HMGA2: variants seen among roughly 807,000 people sequenced by gnomAD.
The protein encoded by HMGA2 is high mobility group AT-hook 2, also known as high mobility group protein HMGI-C.
HMGA2 carries 8 observed loss-of-function variants against 19.1 expected under a neutral mutation model. That is an observed-to-expected ratio of 0.42 (90% CI 0.25 to 0.76). HMGA2 has a LOEUF of 0.76. HMGA2 is among the 30% of genes least tolerant of loss of function. HMGA2 has a pLI of 0.28. For synonymous variants in HMGA2, 60 were observed against 48.8 expected, an observed-to-expected ratio of 1.23 and a Z score of -0.96; for missense variants, 109 against 136.3, an observed-to-expected ratio of 0.80 and a Z score of 1.00.
intron 4 of HMGA2, 69 bp from the exon 5 acceptor site, chr12:65,963,176 A>T (rs1455172234): frequency 2.0e-5 from 28 of 1,433,672 alleles, no homozygotes; most frequent in Non-Finnish European, 2.6e-5. Flanking sequence ...TTACCTCTGC[A>T]CTGTTGGCAA....
chr12:65,886,612 C>T (rs1565721650), intron 3 of HMGA2, among the ~76,000 whole-genome samples: 1 of 151,976 alleles, frequency 6.6e-6, no homozygotes, highest in African/African-American at 2.4e-5. Context: ...CCGTCTCGGC[C>T]TCCCAAAGTG....
chr12:65,846,997 C>T (rs1871258168), intron 3 of HMGA2, among the ~76,000 whole-genome samples: 1 of 152,104 alleles, frequency 6.6e-6, no homozygotes, highest in African/African-American at 2.4e-5. Context: ...AATTATATTG[C>T]TTTCCAAATC....
At chr12:65,841,991 CT>C (rs76443274) in intron 3 of HMGA2, 184,466 of 779,420 alleles carry the variant, frequency 0.24, 35 homozygotes, top group South Asian at 0.3. Flanking sequence ...TTCCCTTCAT[CT>C]TTTTTTTTTT....
At position 65,963,303 on chromosome 12, in the gene HMGA2, C is replaced by G. The variant is rs1876807599; in HGVS notation, c.*11C>G. ...GCCGAAGAGGACTAGGGGGCGCCAA[C>G]GTTCGATTTCTACCTCAGCAGCAGT... is the stretch of plus-strand genomic sequence containing the variant. On this transcript the variant is annotated 3_prime_UTR_variant, in exon 5 of 5. Coordinates refer to ENST00000403681, the MANE Select transcript of HMGA2 (RefSeq NM_003483.6). 1 of 1,612,754 alleles carries G rather than the reference C, an allele frequency of 6.2e-7. No homozygotes were observed. The highest frequency in any genetic ancestry group is 1.7e-4 in the Middle Eastern group (1 of 6,034).
chr12:65,915,453 G>A, intron 3 of HMGA2: 1 of 1,243,756 alleles, frequency 8.0e-7, no homozygotes, highest in Non-Finnish European at 1.0e-6. Context: ...TCTCGTACAG[G>A]GATCCACCTT....
At chr12:65,866,778 TA>T (rs146991605) in intron 3 of HMGA2, 16,120 of 315,872 alleles carry the variant, frequency 0.051, 604 homozygotes, top group African/African-American at 0.17. Context: ...GTGCCAACTT[TA>T]AAAAAAAAAA....
At chr12:65,893,661 G>A (rs1407959662) in intron 3 of HMGA2, among the ~76,000 whole-genome samples, 1 of 152,148 alleles carries the variant, frequency 6.6e-6, no homozygotes, top group African/African-American at 2.4e-5. Context: ...TGCATTTCAG[G>A]GGGTGAATGG....
intron 1 of HMGA2, chr12:65,827,019 CACTT>C (rs1870242020): frequency 1.3e-5 from 2 of 152,136 alleles, no homozygotes; most frequent in Admixed American, 6.5e-5. Flanking sequence ...TAATTAGTCT[CACTT>C]AATCACCGAA....
At chr12:65,846,542 C>A (rs1252307756) in intron 3 of HMGA2, among the ~76,000 whole-genome samples, 1 of 152,200 alleles carries the variant, frequency 6.6e-6, no homozygotes, top group African/African-American at 2.4e-5. Context: ...AGAAAATGCA[C>A]CTCGAGTGCC....
chr12:65,844,052 A>AC (rs1038467457), intron 3 of HMGA2, among the ~76,000 whole-genome samples: 1 of 93,350 alleles, frequency 1.1e-5, no homozygotes, highest in Admixed American at 9.7e-5. Context: ...CTCCATCTCA[A>AC]AAAAAAAAAA....
chr12:65,832,537 A>T (rs1870524007), intron 2 of HMGA2, among the ~76,000 whole-genome samples: 3 of 152,004 alleles, frequency 2.0e-5, no homozygotes. Context: ...GCTGAAGAGG[A>T]TTTTATGTCA....
At chr12:65,907,966 C>T (rs1014266934) in intron 3 of HMGA2, among the ~76,000 whole-genome samples, 1 of 152,082 alleles carries the variant, frequency 6.6e-6, no homozygotes, top group Non-Finnish European at 1.5e-5. Context: ...TAGCTTGACT[C>T]TCTTTTTACA....
chr12:65,836,415 G>A (rs552166675), intron 2 of HMGA2, among the ~76,000 whole-genome samples: 1 of 152,062 alleles, frequency 6.6e-6, no homozygotes, highest in Non-Finnish European at 1.5e-5. Flanking sequence ...CTAGTTAGGA[G>A]TGAAAGAACA....
intron 3 of HMGA2, among the ~76,000 whole-genome samples, chr12:65,854,892 G>A (rs1871654785): frequency 6.6e-6 from 1 of 152,204 alleles, no homozygotes; most frequent in Non-Finnish European, 1.5e-5. Context: ...TGGCTGTGCA[G>A]TTACTCTTTC....
Position 65,931,268 on chromosome 12 carries a change from C to T in HMGA2, c.250-20115C>T, listed in dbSNP as rs140964567. 2.8e-3 allele frequency among the ~76,000 whole-genome samples: 430 copies of T among 152,152 alleles called. 3 individuals are homozygous for T. Among genetic ancestry groups the T allele is most frequent in the African/African-American group, 9.9e-3 (410 of 41,498 alleles). On this transcript the variant is annotated intron_variant, in intron 3 of 4. Coordinates refer to ENST00000403681, the MANE Select transcript of HMGA2 (RefSeq NM_003483.6). ...TATATTCTTTTAAGTTATTTTTCTG[C>T]CCACAGCCATTCTGCAAGCCATCTT...
At chr12:65,826,880 T>C (rs967925625) in intron 1 of HMGA2, 1 of 152,088 alleles carries the variant, frequency 6.6e-6, no homozygotes, top group Admixed American at 6.5e-5. Context: ...AAAGAAAAAT[T>C]TGTCTCCGAT....
At chr12:65,858,824 A>G (rs1317356110) in intron 3 of HMGA2, 2 of 152,218 alleles carry the variant, frequency 1.3e-5, no homozygotes, top group South Asian at 2.1e-4. Flanking sequence ...CCCTTCTTGT[A>G]CAGTATTTCT....
At chr12:65,949,554 T>C (rs1234412340) in intron 3 of HMGA2, among the ~76,000 whole-genome samples, 2 of 152,222 alleles carry the variant, frequency 1.3e-5, no homozygotes, top group African/African-American at 4.8e-5. Flanking sequence ...GAGTGAGGAC[T>C]GGAAGCAAAT....
At chr12:65,880,746 A>G (rs1873329921) in intron 3 of HMGA2, among the ~76,000 whole-genome samples, 1 of 152,196 alleles carries the variant, frequency 6.6e-6, no homozygotes, top group Admixed American at 6.5e-5. Flanking sequence ...TTCTTATTCC[A>G]GGAGTCTAGG....
Sources: gnomAD v4.1 joint callset for allele counts (sites outside exome capture counted in the v4.1 genomes callset) on GRCh38, gnomAD v4.1.1 for gene constraint, MANE v1.5 for transcripts, NCBI Gene and HGNC (gene_info 2026-07-23, HGNC 2026-07-21) for gene names.